Variants in ANKS1B observed in about 807,000 individuals in gnomAD.
ANKS1B encodes the protein ankyrin repeat and sterile alpha motif domain-containing protein 1B.
A neutral mutation model predicts 148.3 loss-of-function variants in ANKS1B; 36 were observed. That is an observed-to-expected ratio of 0.24 (90% confidence interval 0.19 to 0.32). ANKS1B has a LOEUF of 0.32. ANKS1B is among the 10% of genes least tolerant of loss of function. The probability of loss-of-function intolerance (pLI) is 1.00; values close to 1 mark genes in which losing one functional copy is unlikely to be tolerated. For synonymous variants in ANKS1B, 542 were observed against 560.8 expected (o/e 0.97, Z 0.47); for missense variants, 1,157 against 1,542.6 (o/e 0.75, Z 4.19).
intron 10 of ANKS1B, among the ~76,000 whole-genome samples, chr12:99,469,339 C>T (rs28578501): frequency 0.42 from 62,983 of 149,834 alleles, 15,110 homozygotes; most frequent in African/African-American, 0.67. Flanking sequence ...TACCTAATGC[C>T]AAATGACGAG....
chr12:99,155,103 T>C, intron 14 of ANKS1B: 1 of 1,516,608 alleles, frequency 6.6e-7, no homozygotes, highest in Non-Finnish European at 8.8e-7. Flanking sequence ...AGCTATTTGT[T>C]GTGGAATTTT....
At chr12:99,428,055 G>A (rs530345235) in intron 11 of ANKS1B, among the ~76,000 whole-genome samples, 2 of 152,284 alleles carry the variant, frequency 1.3e-5, no homozygotes, top group African/African-American at 4.8e-5. Flanking sequence ...AATCCTAAAG[G>A]ATGTTATAAA....
At chr12:98,777,737 C>T (rs2098693985) in intron 24 of ANKS1B, among the ~76,000 whole-genome samples, 1 of 152,238 alleles carries the variant, frequency 6.6e-6, no homozygotes, top group East Asian at 1.9e-4. Context: ...CTAGGCAATA[C>T]ATTTATGAGT....
chr12:99,352,174 A>G (rs2152390154), intron 12 of ANKS1B: 1 of 152,160 alleles, frequency 6.6e-6, no homozygotes, highest in Admixed American at 6.6e-5. Flanking sequence ...TCCAAGACTA[A>G]GTCTGACCTG....
chr12:99,977,266 C>T (rs1005629568), intron 1 of ANKS1B, among the ~76,000 whole-genome samples: 15 of 152,192 alleles, frequency 9.9e-5, no homozygotes, highest in African/African-American at 3.6e-4. Flanking sequence ...CACCCAGCCT[C>T]TCAAGTAGTT....
chr12:99,791,132 T>A (rs186249502), intron 4 of ANKS1B, among the ~76,000 whole-genome samples: 1 of 152,090 alleles, frequency 6.6e-6, no homozygotes, highest in African/African-American at 2.4e-5. Context: ...GCTATACTTA[T>A]ATTAGGCAAA....
intron 11 of ANKS1B, among the ~76,000 whole-genome samples, chr12:99,437,104 C>T (rs1246931654): frequency 2.6e-5 from 4 of 151,982 alleles, no homozygotes; most frequent in Non-Finnish European, 5.9e-5. Flanking sequence ...TCTCCCAGTT[C>T]TGGAGGTTGA....
At chr12:99,030,061 C>T (rs1174686070) in intron 17 of ANKS1B, among the ~76,000 whole-genome samples, 1 of 152,244 alleles carries the variant, frequency 6.6e-6, no homozygotes, top group African/African-American at 2.4e-5. Context: ...CCAGTCCTGA[C>T]ACTGGCTTCC....
chr12:99,670,251 A>G (rs1004431354), intron 8 of ANKS1B, among the ~76,000 whole-genome samples: 1 of 152,104 alleles, frequency 6.6e-6, no homozygotes, highest in Non-Finnish European at 1.5e-5. Context: ...TTAACTGCAC[A>G]TTTATCACAT....
intron 25 of ANKS1B, among the ~76,000 whole-genome samples, chr12:98,760,189 T>G (rs1336846047): frequency 6.6e-6 from 1 of 152,228 alleles, no homozygotes; most frequent in Non-Finnish European, 1.5e-5. Flanking sequence ...ATTAATGATG[T>G]TTACAGTCAT....
At chr12:99,959,227 ATTTTTTTTTTTT>A (rs71088166) in intron 1 of ANKS1B, among the ~76,000 whole-genome samples, 1 of 99,872 alleles carries the variant, frequency 1.0e-5, no homozygotes, top group Non-Finnish European at 1.9e-5. Flanking sequence ...CACCCAGTTA[ATTTTTTTTTTTT>A]TTTTTTTTTT....
At chr12:99,943,120 G>T (rs978414851) in intron 1 of ANKS1B, among the ~76,000 whole-genome samples, 1 of 152,192 alleles carries the variant, frequency 6.6e-6, no homozygotes, top group Non-Finnish European at 1.5e-5. Context: ...CAACATAGAG[G>T]AGGATTGAGC....
At chr12:99,350,880 T>C (rs891284158) in intron 12 of ANKS1B, among the ~76,000 whole-genome samples, 1 of 152,066 alleles carries the variant, frequency 6.6e-6, no homozygotes, top group Non-Finnish European at 1.5e-5. Flanking sequence ...GGTCACTTAG[T>C]TCTGCATTGG....
chr12:99,971,347 AC>A (rs934511646), intron 1 of ANKS1B, among the ~76,000 whole-genome samples: 3 of 152,216 alleles, frequency 2.0e-5, no homozygotes, highest in African/African-American at 7.2e-5. Context: ...GCTGGAGTTT[AC>A]CCAGCCAAAG....
intron 14 of ANKS1B, among the ~76,000 whole-genome samples, chr12:99,238,876 C>T (rs77101687): frequency 0.013 from 1,994 of 152,202 alleles, 38 homozygotes; most frequent in African/African-American, 0.045. Context: ...TCTACAGCAA[C>T]GAAAAGGACA....
At chr12:99,528,428 A>AAC (rs368454994) in intron 9 of ANKS1B, among the ~76,000 whole-genome samples, 1 of 87,928 alleles carries the variant, frequency 1.1e-5, no homozygotes, top group African/African-American at 5.2e-5. Flanking sequence ...AACAAAAACA[A>AAC]AAACAAAAAA....
rs137923740 is a variant in ANKS1B at position 99,939,648 on chromosome 12, A to T, written c.134+44456T>A. Among the ~76,000 whole-genome samples the T allele has an allele frequency of 2.6e-5, 4 of 152,320 alleles. No homozygotes were observed. In the East Asian group the frequency reaches 5.8e-4, roughly 22 times the overall value. ...TGTTAGCATGATCTTATCAGGATCA[A>T]GGTAACTAAAAACAAATGACAAGGT... On this transcript the variant is annotated intron_variant, in intron 1 of 26. Coordinates refer to ENST00000683438, the MANE Select transcript of ANKS1B (RefSeq NM_001352186.2).
chr12:99,244,090 TAAA>T (rs10539895), intron 14 of ANKS1B, among the ~76,000 whole-genome samples: 61 of 148,366 alleles, frequency 4.1e-4, no homozygotes, highest in African/African-American at 1.3e-3. Context: ...TAAAAAATTC[TAAA>T]AAAAAAAAAG....
At chr12:99,977,668 GAA>G (rs1247147826) in intron 1 of ANKS1B, among the ~76,000 whole-genome samples, 1 of 152,072 alleles carries the variant, frequency 6.6e-6, no homozygotes, top group Non-Finnish European at 1.5e-5. Flanking sequence ...AGACTCTTAA[GAA>G]AAGTTTCTAG....
Sources: gnomAD v4.1 joint callset for allele counts (sites outside exome capture counted in the v4.1 genomes callset) on GRCh38, gnomAD v4.1.1 for gene constraint, MANE v1.5 for transcripts, NCBI Gene and HGNC (gene_info 2026-07-23, HGNC 2026-07-21) for gene names.